The following MCTP1 variants were observed in gnomAD, a reference collection of about 807,000 sequenced individuals.
MCTP1 encodes the protein multiple C2 and transmembrane domain containing 1, also known as multiple C2 and transmembrane domain-containing protein 1.
Under a neutral mutation model 120.6 loss-of-function variants are expected in MCTP1, and 69 were observed. That is an observed-to-expected ratio of 0.57 (90% CI 0.47 to 0.70). The LOEUF is 0.70. Ranked by LOEUF, MCTP1 falls within the 30% of genes least tolerant of loss-of-function variation. The pLI is 0.00. For synonymous variants in MCTP1, 529 were observed against 493.1 expected (o/e 1.07, Z -0.96); for missense variants, 1,203 against 1,248.8 (o/e 0.96, Z 0.55).
chr5:95,002,937 G>A (rs1170453152), intron 2 of MCTP1, among the ~76,000 whole-genome samples: 4 of 152,160 alleles, frequency 2.6e-5, no homozygotes, highest in Admixed American at 2.0e-4. Context: ...ATCCCCACAT[G>A]TCATGGGAGG....
At chr5:94,913,903 C>T (rs1023059585) in intron 8 of MCTP1, among the ~76,000 whole-genome samples, 3 of 151,926 alleles carry the variant, frequency 2.0e-5, no homozygotes, top group African/African-American at 7.3e-5. Flanking sequence ...GAGAAAGGGT[C>T]TTGCTTGGTT....
chr5:95,067,083 T>C (rs1274360478), intron 1 of MCTP1, among the ~76,000 whole-genome samples: 1 of 114,472 alleles, frequency 8.7e-6, no homozygotes, highest in Non-Finnish European at 1.6e-5. Flanking sequence ...AGGCCTGGGA[T>C]GGGGGACTCT....
chr5:95,283,426 G>T (rs1175661735), intron 1 of MCTP1, among the ~76,000 whole-genome samples: 5 of 152,138 alleles, frequency 3.3e-5, no homozygotes, highest in Non-Finnish European at 7.4e-5. Flanking sequence ...ACCTCTCCAC[G>T]TTTCTATTTC....
intron 2 of MCTP1, among the ~76,000 whole-genome samples, chr5:95,006,260 C>T: frequency 6.6e-6 from 1 of 151,770 alleles, no homozygotes; most frequent in South Asian, 2.1e-4. Flanking sequence ...CACATACACA[C>T]ATACACATAA....
intron 19 of MCTP1, among the ~76,000 whole-genome samples, chr5:94,752,972 T>C (rs1768857950): frequency 6.6e-6 from 1 of 152,214 alleles, no homozygotes; most frequent in South Asian, 2.1e-4. Flanking sequence ...ATCCAAGTTT[T>C]GAAGTTTAGC....
At chr5:95,132,664 C>A (rs1045857978) in intron 1 of MCTP1, among the ~76,000 whole-genome samples, 1 of 152,184 alleles carries the variant, frequency 6.6e-6, no homozygotes, top group East Asian at 1.9e-4. Flanking sequence ...TGCTGTCCCC[C>A]CACTGTCCCT....
intron 12 of MCTP1, among the ~76,000 whole-genome samples, chr5:94,877,271 T>C (rs1450127126): frequency 2.0e-5 from 3 of 152,250 alleles, no homozygotes; most frequent in African/African-American, 7.2e-5. Context: ...ATAGTCTCTA[T>C]AATACAAAAA....
At chr5:94,921,629 TGGGTAAA>T (rs1301716726) in intron 7 of MCTP1, among the ~76,000 whole-genome samples, 2 of 152,198 alleles carry the variant, frequency 1.3e-5, no homozygotes, top group Non-Finnish European at 2.9e-5. Flanking sequence ...CAATATTGCT[TGGGTAAA>T]GAGCAGTGAG....
At chr5:94,941,798 C>A (rs1302354747) in intron 4 of MCTP1, among the ~76,000 whole-genome samples, 1 of 151,870 alleles carries the variant, frequency 6.6e-6, no homozygotes, top group Admixed American at 6.6e-5. Flanking sequence ...ACAATAGTAA[C>A]TTTGCAACTA....
intron 19 of MCTP1, among the ~76,000 whole-genome samples, chr5:94,759,500 C>T (rs1322912925): frequency 6.6e-6 from 1 of 152,154 alleles, no homozygotes; most frequent in Non-Finnish European, 1.5e-5. Flanking sequence ...TAATACTATA[C>T]ATATGATAGT....
intron 1 of MCTP1, among the ~76,000 whole-genome samples, chr5:95,241,154 T>G (rs1756122479): frequency 6.6e-6 from 1 of 152,138 alleles, no homozygotes; most frequent in South Asian, 2.1e-4. Flanking sequence ...AAATCTAGCT[T>G]TATTAGGAAA....
intron 7 of MCTP1, among the ~76,000 whole-genome samples, chr5:94,920,636 G>C (rs1042055637): frequency 6.6e-6 from 1 of 151,994 alleles, no homozygotes; most frequent in South Asian, 2.1e-4. Context: ...CAGCTACTCG[G>C]GAGGCTGAGG....
intron 1 of MCTP1, among the ~76,000 whole-genome samples, chr5:95,187,212 A>T (rs1343301462): frequency 6.6e-6 from 1 of 152,246 alleles, no homozygotes; most frequent in Non-Finnish European, 1.5e-5. Flanking sequence ...AGTGTCCATC[A>T]GCAGGTGAAT....
Position 95,225,025 on chromosome 5 carries a change from T to C in MCTP1, c.720+58831A>G, listed in dbSNP as rs150651677. ...AGAGGCTTTTGCTGGAAATAGAATATAAAGTAAAACCTAAAGATTAAACCA... is the reference window on the plus strand; with the variant it reads ...AGAGGCTTTTGCTGGAAATAGAATACAAAGTAAAACCTAAAGATTAAACCA... On this transcript the variant is annotated intron_variant, in intron 1 of 22. Transcript: ENST00000515393. Among the ~76,000 whole-genome samples the C allele has an allele frequency of 1.1e-4, 16 of 152,310 alleles. No homozygotes were observed. In the East Asian group the frequency reaches 2.5e-3, roughly 24 times the overall value.
At chr5:94,776,017 TA>T (rs1775232525) in intron 19 of MCTP1, among the ~76,000 whole-genome samples, 1 of 149,760 alleles carries the variant, frequency 6.7e-6, no homozygotes, top group African/African-American at 2.4e-5. Flanking sequence ...CTTCAAAATC[TA>T]GGAATCCAGG....
chr5:94,926,015 G>GT (rs1199565914), intron 6 of MCTP1, among the ~76,000 whole-genome samples: 9 of 151,910 alleles, frequency 5.9e-5, no homozygotes, highest in African/African-American at 1.9e-4. Context: ...GAAAAGAAAT[G>GT]TTTTTTTCAC....
chr5:94,919,708 C>T (rs1199826444), intron 7 of MCTP1, among the ~76,000 whole-genome samples: 3 of 152,216 alleles, frequency 2.0e-5, no homozygotes, highest in East Asian at 3.9e-4. Context: ...GCTGCAAAGA[C>T]GAGTGTGGAG....
At chr5:95,213,378 G>A (rs575774720) in intron 1 of MCTP1, among the ~76,000 whole-genome samples, 1 of 127,438 alleles carries the variant, frequency 7.8e-6, no homozygotes, top group Admixed American at 7.9e-5. Flanking sequence ...ACAAACAAAT[G>A]GAAGAACATT....
chr5:94,747,349 G>A (rs1767143585), intron 19 of MCTP1, among the ~76,000 whole-genome samples: 1 of 152,252 alleles, frequency 6.6e-6, no homozygotes, highest in Non-Finnish European at 1.5e-5. Context: ...ATCTTATGAG[G>A]CAAGTATTAT....
Sources: allele counts gnomAD v4.1 joint callset (sites outside exome capture counted in the v4.1 genomes callset), GRCh38; gene constraint gnomAD v4.1.1; transcripts MANE v1.5; gene names NCBI Gene and HGNC (gene_info 2026-07-23, HGNC 2026-07-21).